PREX2: variants seen among roughly 807,000 people sequenced by gnomAD.
PREX2 encodes the protein phosphatidylinositol 3,4,5-trisphosphate-dependent Rac exchanger 2 protein.
A neutral mutation model predicts 203.2 loss-of-function variants in PREX2; 107 were observed. The ratio of observed to expected loss-of-function variants is 0.53; its 90% CI spans 0.45 to 0.62. The LOEUF (loss-of-function observed/expected upper bound fraction) is 0.62, where lower values mean the gene tolerates loss of function less well. Ranked by LOEUF, PREX2 falls within the 20% of genes least tolerant of loss-of-function variation. PREX2 has a pLI of 0.00. For missense variants in PREX2, 1,777 were observed against 1,955.9 expected (o/e 0.91, Z 1.72); for synonymous variants, 672 against 663.6 (o/e 1.01, Z -0.19).
At chr8:68,054,138 T>C (rs1808605165) in intron 9 of PREX2, among the ~76,000 whole-genome samples, 2 of 152,326 alleles carry the variant, frequency 1.3e-5, no homozygotes, top group South Asian at 4.1e-4. Flanking sequence ...GCTACCTTGA[T>C]TGAAATATTC....
intron 14 of PREX2, among the ~76,000 whole-genome samples, chr8:68,074,534 G>T (rs1428522758): frequency 6.6e-6 from 1 of 152,100 alleles, no homozygotes; most frequent in East Asian, 1.9e-4. Context: ...ACATCCTAAT[G>T]TAAGTATCAA....
intron 1 of PREX2, among the ~76,000 whole-genome samples, chr8:67,964,628 GT>G (rs945293125): frequency 2.7e-5 from 4 of 149,708 alleles, no homozygotes; most frequent in South Asian, 4.2e-4. Context: ...GGTTGTTTTT[GT>G]TTTTTTTTCC....
intron 1 of PREX2, among the ~76,000 whole-genome samples, chr8:67,976,772 CAGAG>C (rs1806124126): frequency 1.2e-5 from 1 of 82,608 alleles, no homozygotes; most frequent in Admixed American, 1.6e-4. Context: ...GAGAGAGAGA[CAGAG>C]ACAGAGACAG....
chr8:67,975,567 T>C (rs1806053746), intron 1 of PREX2, among the ~76,000 whole-genome samples: 1 of 151,952 alleles, frequency 6.6e-6, no homozygotes, highest in South Asian at 2.1e-4. Context: ...AGCAACAGAA[T>C]TCAGCAAACA....
intron 1 of PREX2, among the ~76,000 whole-genome samples, chr8:67,970,607 T>A (rs763845698): frequency 2.6e-5 from 4 of 152,208 alleles, no homozygotes; most frequent in Non-Finnish European, 5.9e-5. Flanking sequence ...GAGTTAGAGT[T>A]CTCACACTAA....
At chr8:68,042,708 A>G (rs1170563485) in intron 7 of PREX2, among the ~76,000 whole-genome samples, 1 of 152,068 alleles carries the variant, frequency 6.6e-6, no homozygotes, top group East Asian at 1.9e-4. Context: ...CAGCATAATT[A>G]TTTTCAAACT....
chr8:68,072,406 A>T lies in PREX2; in HGVS notation c.1494-89A>T, dbSNP rs1400467955. ...TGGTAAACTTCTCTGTTGCATATTG[A>T]TACTAAATGAAAATATTTTCTTGTG... On this transcript the variant is annotated intron_variant, in intron 13 of 39. Transcript: ENST00000288368. 3 of 688,914 alleles carry T rather than the reference A, an allele frequency of 4.4e-6. No individual in the cohort carries two copies. In the African/African-American group the frequency reaches 5.5e-5, roughly 13 times the overall value. 42.7% of individuals were successfully genotyped at this position (688,914 alleles called of 1,614,324 possible).
intron 34 of PREX2, among the ~76,000 whole-genome samples, chr8:68,150,109 C>A (rs556826239): frequency 2.6e-5 from 4 of 152,090 alleles, no homozygotes; most frequent in Non-Finnish European, 5.9e-5. Context: ...TCACAGCAGC[C>A]GGGCAATGAG....
chr8:68,062,707 T>C (rs1808893661), intron 11 of PREX2, among the ~76,000 whole-genome samples: 2 of 152,176 alleles, frequency 1.3e-5, no homozygotes. Flanking sequence ...CCTTTGACTT[T>C]TAGAAGCCCA....
rs1809212741 is a variant in PREX2 at position 68,072,063 on chromosome 8, TGAAACCAATTTTGCCATAG to T, written c.1494-430_1494-412del. Among the ~76,000 whole-genome samples, 5 of 152,306 alleles carry T rather than the reference TGAAACCAATTTTGCCATAG, an allele frequency of 3.3e-5. No individual in the cohort carries two copies. The South Asian group carries it at 1.0e-3, about 32-fold the overall frequency. ...CAACTTTAAATGAAATGACATATAA[TGAAACCAATTTTGCCATAG>T]GCTAATTGACATAAATAAGAGTTAA... On this transcript the variant is annotated intron_variant, in intron 13 of 39. Coordinates refer to ENST00000288368, the MANE Select transcript of PREX2 (RefSeq NM_024870.4).
At chr8:67,972,365 C>A in intron 1 of PREX2, among the ~76,000 whole-genome samples, 1 of 152,192 alleles carries the variant, frequency 6.6e-6, no homozygotes, top group Non-Finnish European at 1.5e-5. Flanking sequence ...GTATGTGAAA[C>A]CTCTTCTGAA....
At chr8:68,174,239 G>A (rs1393082489) in intron 35 of PREX2, among the ~76,000 whole-genome samples, 1 of 152,154 alleles carries the variant, frequency 6.6e-6, no homozygotes, top group African/African-American at 2.4e-5. Context: ...CTTGCAGCCA[G>A]AACTTTTGAT....
intron 19 of PREX2, among the ~76,000 whole-genome samples, chr8:68,090,041 C>A (rs1382748621): frequency 6.6e-6 from 1 of 152,144 alleles, no homozygotes; most frequent in Non-Finnish European, 1.5e-5. Context: ...ATCTTTCTGA[C>A]TTTTTGTATA....
chr8:67,959,568 A>G (rs1206762038), intron 1 of PREX2, among the ~76,000 whole-genome samples: 1 of 152,200 alleles, frequency 6.6e-6, no homozygotes, highest in Non-Finnish European at 1.5e-5. Flanking sequence ...TGGGGGAAGC[A>G]TAGCAAGCAC....
intron 14 of PREX2, among the ~76,000 whole-genome samples, chr8:68,073,773 C>T (rs1208718473): frequency 2.0e-5 from 3 of 152,048 alleles, no homozygotes. Context: ...TTATACAGTT[C>T]TAGAATTCAT....
intron 1 of PREX2, among the ~76,000 whole-genome samples, chr8:68,003,761 A>G (rs1807011747): frequency 6.6e-6 from 1 of 151,990 alleles, no homozygotes; most frequent in South Asian, 2.1e-4. Context: ...CAAGGCAAGA[A>G]TGGAAACTTT....
At chr8:68,090,538 C>T (rs1449615058) in intron 19 of PREX2, 41 bp from the exon 20 acceptor site, 2 of 1,559,940 alleles carry the variant, frequency 1.3e-6, no homozygotes, top group Admixed American at 3.4e-5. Flanking sequence ...AATCTTATTC[C>T]TGAAATTTGT....
intron 32 of PREX2, 41 bp downstream of exon 32, chr8:68,134,317 A>G: frequency 6.9e-7 from 1 of 1,444,072 alleles, no homozygotes; most frequent in Non-Finnish European, 9.7e-7. Flanking sequence ...TGTCAACTGT[A>G]ACCTGCACTG....
chr8:68,080,420 T>C (rs1809479360), intron 15 of PREX2, 23 bp from the exon 16 acceptor site: 2 of 1,605,506 alleles, frequency 1.2e-6, no homozygotes, highest in Admixed American at 1.7e-5. Context: ...GCTGAAATAA[T>C]TTGCATCTGT....
Sources: gnomAD v4.1 joint callset for allele counts (sites outside exome capture counted in the v4.1 genomes callset) on GRCh38, gnomAD v4.1.1 for gene constraint, MANE v1.5 for transcripts, NCBI Gene and HGNC (gene_info 2026-07-23, HGNC 2026-07-21) for gene names.